UBE2S: variants seen among roughly 807,000 people sequenced by gnomAD.
UBE2S encodes ubiquitin conjugating enzyme E2 S.
Under a neutral mutation model 12.3 loss-of-function variants are expected in UBE2S, and 3 were observed. That is an observed-to-expected ratio of 0.24 (90% CI 0.11 to 0.63). The LOEUF (loss-of-function observed/expected upper bound fraction) is 0.63, where lower values mean the gene tolerates loss of function less well. Ranked by LOEUF, UBE2S falls within the 30% of genes least tolerant of loss-of-function variation. UBE2S has a pLI of 0.85. For synonymous variants in UBE2S, 133 were observed against 142.0 expected, an observed-to-expected ratio of 0.94 and a Z score of 0.45; for missense variants, 211 against 313.9, an observed-to-expected ratio of 0.67 and a Z score of 2.48.
chr19:55,399,949 T>G lies in UBE2S; in HGVS notation c.*1487A>C, dbSNP rs2090045264. ...AATCTGAAGGGTTTCTTCCCTTGTC[T>G]TTCCTTCGCTCCCTGCACTGCTAGA... On this transcript the variant is annotated 3_prime_UTR_variant, in exon 4 of 4. Transcript: ENST00000264552. 6.6e-6 allele frequency: 1 copy of G among 152,214 alleles called. No homozygotes were observed. Among genetic ancestry groups the G allele is most frequent in the South Asian group, 2.1e-4 (1 of 4,826 alleles). The allele number at this position is 152,214 out of a possible 1,614,324, so 9.4% of individuals were successfully genotyped here.
chr19:55,406,590 T>G (rs1781564773), intron 2 of UBE2S, among the ~76,000 whole-genome samples: 1 of 152,266 alleles, frequency 6.6e-6, no homozygotes, highest in Admixed American at 6.5e-5. Context: ...GCTTCAAATC[T>G]AGAGTACCGT....
chr19:55,405,211 C>A lies in UBE2S; in HGVS notation c.152-733G>T, dbSNP rs1456874475. ...GGCAACAAGAGCGAAACTCTGTTTC[C>A]AAAAAAAAAAAAAAAAAGCCAAGCG... On this transcript the variant is annotated intron_variant, in intron 2 of 3. Coordinates refer to ENST00000264552, the MANE Select transcript of UBE2S (RefSeq NM_014501.3). 8.5e-3 allele frequency among the ~76,000 whole-genome samples: 808 copies of A among 94,800 alleles called. 1 individual carries two copies. The highest frequency in any genetic ancestry group is 0.024 in the East Asian group (56 of 2,332). 62.2% of individuals were successfully genotyped at this position (94,800 alleles called of 152,430 possible). A position where few individuals can be genotyped will look rare whatever the true frequency, so the allele number is the denominator to read the frequency against.
chr19:55,405,898 T>C (rs976035343), intron 2 of UBE2S, among the ~76,000 whole-genome samples: 2 of 152,088 alleles, frequency 1.3e-5, no homozygotes, highest in African/African-American at 4.8e-5. Flanking sequence ...CTGAATCTCA[T>C]CCCATCTCCA....
rs1391979875 is a variant in UBE2S, at chr19:55,406,954, G to A, written c.12C>T (p.Asn4=). MNS[N]VENLPPHIIR... is the part of the protein sequence containing the mutation. ...TGATGTGCGGGGGTAGGTTCTCCAC[G>A]TTGGAGTTCTGGGCACGGATGGGAG... Residue 4 remains asparagine (N), a synonymous_variant, in exon 2 of 4, where the codon AAC becomes AAT. Transcript: ENST00000264552. 6.2e-7 allele frequency: 1 copy of A among 1,613,662 alleles called. No individual in the cohort carries two copies. The highest frequency in any genetic ancestry group is 2.2e-5 in the East Asian group (1 of 44,864).
At chr19:55,403,894 C>T (rs10423589) in intron 3 of UBE2S, 4,835 of 202,168 alleles carry the variant, frequency 0.024, 265 homozygotes, top group African/African-American at 0.11. Context: ...GCATGTGCCA[C>T]CATGCCCGGC....
Position 55,401,477 on chromosome 19 carries a change from T to C in UBE2S, c.628A>G (p.Lys210Glu). 1 of 1,608,306 alleles carries C rather than the reference T, an allele frequency of 6.2e-7. No homozygotes were observed. The highest frequency in any genetic ancestry group is 8.5e-7 in the Non-Finnish European group (1 of 1,179,652). ...AGERDKKLAA[K>E]KKTDKKRALR... is the part of the protein sequence containing the mutation. ...GCCCGCTTCTTGTCCGTCTTTTTCT[T>C]GGCCGCCAGCTTCTTATCGCGCTCG... The change falls in exon 4 of 4, where the codon AAG (lysine) becomes GAG (glutamate). Residue 210 changes from lysine to glutamate, a missense_variant. This residue lies in a region of UBE2S where 84 missense variants were observed against 89.9 expected (regional missense o/e 0.93). Coordinates refer to ENST00000264552, the MANE Select transcript of UBE2S (RefSeq NM_014501.3).
intron 2 of UBE2S, among the ~76,000 whole-genome samples, chr19:55,405,419 G>A (rs1478124747): frequency 6.6e-6 from 1 of 152,194 alleles, no homozygotes; most frequent in Non-Finnish European, 1.5e-5. Flanking sequence ...TGAGGCAGGA[G>A]AACTGCTTGA....
chr19:55,401,774 G>A lies in UBE2S; in HGVS notation c.343-12C>T, dbSNP rs749436756. 6.2e-7 allele frequency: 1 copy of A among 1,612,860 alleles called. No individual in the cohort carries two copies. Among genetic ancestry groups the A allele is most frequent in the African/African-American group, 1.3e-5 (1 of 74,948 alleles). ...AGGCACTTGATGGTCTGTGGGAAGA[G>A]GCTCAGGGTCACAGTGGGTCGGGCA... On this transcript the variant is annotated splice_polypyrimidine_tract_variant and intron_variant, in intron 3 of 3. Coordinates refer to ENST00000264552, the MANE Select transcript of UBE2S (RefSeq NM_014501.3).
At position 55,407,646 on chromosome 19, in the gene UBE2S, G is replaced by A. The variant is rs1362683917; in HGVS notation, c.-57C>T. 1.9e-5 allele frequency: 25 copies of A among 1,285,014 alleles called. No individual in the cohort carries two copies. The highest frequency in any genetic ancestry group is 2.4e-5 in the Non-Finnish European group (24 of 1,008,080). The allele number at this position is 1,285,014 out of a possible 1,614,324, so 79.6% of individuals were successfully genotyped here. A position where few individuals can be genotyped will look rare whatever the true frequency, so the allele number is the denominator to read the frequency against. On this transcript the variant is annotated 5_prime_UTR_variant, in exon 1 of 4. Coordinates refer to ENST00000264552, the MANE Select transcript of UBE2S (RefSeq NM_014501.3). ...GCCCCCTTCCTGCGTTCTTCGGTCC[G>A]CCGGCCGGGGCGGGGGGCCCAACTG...
intron 2 of UBE2S, among the ~76,000 whole-genome samples, chr19:55,405,482 C>G (rs1436054184): frequency 1.3e-5 from 2 of 151,974 alleles, no homozygotes; most frequent in Admixed American, 1.3e-4. Context: ...GCACTCCAGC[C>G]TAGGCGACAG....
intron 2 of UBE2S, 118 bp downstream of exon 2, chr19:55,406,697 G>A: frequency 7.7e-7 from 1 of 1,305,210 alleles, no homozygotes; most frequent in African/African-American, 1.5e-5. Flanking sequence ...GTCCACCAAT[G>A]CATCCCAACA....
In UBE2S at chr19:55,401,781, G is replaced by A; in HGVS notation, c.343-19C>T. On this transcript the variant is annotated intron_variant, in intron 3 of 3. Transcript: ENST00000264552. ...TGATGGTCTGTGGGAAGAGGCTCAG[G>A]GTCACAGTGGGTCGGGCAACCTACA... 6.2e-7 allele frequency: 1 copy of A among 1,612,624 alleles called. No individual in the cohort carries two copies. Among genetic ancestry groups the A allele is most frequent in the Non-Finnish European group, 8.5e-7 (1 of 1,179,934 alleles).
At position 55,407,079 on chromosome 19, in the gene UBE2S, C is replaced by T. The variant is rs956111115; in HGVS notation, c.4-117G>A. On this transcript the variant is annotated intron_variant, in intron 1 of 3. Transcript: ENST00000264552. ...CAGTGGCCCCAGGCTGTCAATCACC[C>T]TTGAACTCCCAGACCCTCACCCAGG... 4 of 1,296,228 alleles carry T rather than the reference C, an allele frequency of 3.1e-6. No individual in the cohort carries two copies. In the African/African-American group the frequency reaches 6.0e-5, roughly 19 times the overall value. The allele number at this position is 1,296,228 out of a possible 1,614,324, so 80.3% of individuals were successfully genotyped here.
intron 2 of UBE2S, 99 bp downstream of exon 2, chr19:55,406,716 G>A: frequency 6.8e-7 from 1 of 1,467,056 alleles, no homozygotes; most frequent in Middle Eastern, 2.6e-4. Context: ...CACCTGACAC[G>A]AGGCCAGCCT....
Position 55,401,444 on chromosome 19 carries a change from G to A in UBE2S, c.661C>T (p.Arg221Trp), listed in dbSNP as rs1311954672. The change falls in exon 4 of 4, where the codon CGG becomes TGG. Residue 221 changes from arginine (R) to tryptophan (W), a missense_variant. Physicochemically the swap from Arg to Trp is moderately radical, Grantham distance 101. This residue lies in a region of UBE2S where 84 missense variants were observed against 89.9 expected (regional missense o/e 0.93). Transcript: ENST00000264552. Reference protein sequence around the residue: ...KKTDKKRALRRL With the variant: ...KKTDKKRALRWL ...AGGAGGAAGAGAGCCCACTACAGCC[G>A]CCGCAGCGCCCGCTTCTTGTCCGTC... The A allele has an allele frequency of 1.9e-6, 3 of 1,602,254 alleles. No individual in the cohort carries two copies. Among genetic ancestry groups the A allele is most frequent in the Non-Finnish European group, 2.5e-6 (3 of 1,177,950 alleles).
chr19:55,404,102 G>T lies in UBE2S; in HGVS notation c.342+186C>A. 1.4e-6 allele frequency: 1 copy of T among 697,154 alleles called. No individual in the cohort carries two copies. The highest frequency in any genetic ancestry group is 2.4e-6 in the Non-Finnish European group (1 of 420,244). 43.2% of individuals were successfully genotyped at this position (697,154 alleles called of 1,614,324 possible). A position where few individuals can be genotyped will look rare whatever the true frequency, so the allele number is the denominator to read the frequency against. On this transcript the variant is annotated intron_variant, in intron 3 of 3. Coordinates refer to ENST00000264552, the MANE Select transcript of UBE2S (RefSeq NM_014501.3). The surrounding 1 kb of genome is among the most constrained non-coding windows in gnomAD (Gnocchi z 4.4). ...AGGTGCTCCTGGGCACTTCTCAACA[G>T]TACTTGGGTGTCCTGGGTCTGGCAC...
chr19:55,402,078 TACTTGCCTGAGCCCCAG>T (rs1405251239), intron 3 of UBE2S, among the ~76,000 whole-genome samples: 1 of 152,156 alleles, frequency 6.6e-6, no homozygotes, highest in African/African-American at 2.4e-5. Flanking sequence ...AGGAGTCCAT[TACTTGCCTGAGCCCCAG>T]ACTTGAGTCC....
Position 55,399,897 on chromosome 19 carries a change from T to G in UBE2S, c.*1539A>C, listed in dbSNP as rs1332779849. 2 of 152,222 alleles carry G rather than the reference T, an allele frequency of 1.3e-5. No individual in the cohort carries two copies. The highest frequency in any genetic ancestry group is 2.9e-5 in the Non-Finnish European group (2 of 68,044). The allele number at this position is 152,222 out of a possible 1,614,324, so 9.4% of individuals were successfully genotyped here. On this transcript the variant is annotated 3_prime_UTR_variant, in exon 4 of 4. Coordinates refer to ENST00000264552, the MANE Select transcript of UBE2S (RefSeq NM_014501.3). ...AACGCAGAGCTTAAGATTTCTTGGA[T>G]GGCCAGTGATGTGAATTTGATCTGA... is the stretch of plus-strand genomic sequence containing the variant.
At chr19:55,407,166 G>A (rs1411041587) in intron 1 of UBE2S, among the ~76,000 whole-genome samples, 1 of 151,560 alleles carries the variant, frequency 6.6e-6, no homozygotes, top group African/African-American at 2.4e-5. Context: ...TTCACGGGGG[G>A]GCTTGCAGAT....
Sources: gnomAD v4.1 joint callset for allele counts (sites outside exome capture counted in the v4.1 genomes callset) on GRCh38, gnomAD v4.1.1 for gene constraint, gnomAD v4.1.1 regional missense constraint, Gnocchi (gnomAD v3.1) non-coding constraint, MANE v1.5 for transcripts, NCBI Gene and HGNC (gene_info 2026-07-23, HGNC 2026-07-21) for gene names.